Variants in ITPR1 observed in about 807,000 individuals in gnomAD.
ITPR1 encodes inositol 1,4,5-trisphosphate receptor type 1, also known as inositol 1,4,5-trisphosphate-gated calcium channel ITPR1.
ITPR1 carries 96 observed loss-of-function variants against 318.4 expected under a neutral mutation model. The ratio of observed to expected loss-of-function variants is 0.30; its 90% CI spans 0.26 to 0.36. ITPR1 has a LOEUF of 0.36. Ranked by LOEUF, ITPR1 falls within the 10% of genes least tolerant of loss-of-function variation. The pLI is 1.00. For synonymous variants in ITPR1, 1,312 were observed against 1,289.9 expected (o/e 1.02, Z -0.37); for missense variants, 2,440 against 3,460.2 (o/e 0.71, Z 7.40).
chr3:4,811,482 C>T (rs2048936087), intron 56 of ITPR1, 22 bp downstream of exon 56: 1 of 1,540,652 alleles, frequency 6.5e-7, no homozygotes, highest in Admixed American at 1.7e-5. Flanking sequence ...ATCTTCTGAT[C>T]TTTTTAATGC....
At chr3:4,833,713 C>T in intron 60 of ITPR1, among the ~76,000 whole-genome samples, 1 of 152,224 alleles carries the variant, frequency 6.6e-6, no homozygotes, top group South Asian at 2.1e-4. Context: ...ACACTGGAGC[C>T]TCACTGTGCC....
intron 4 of ITPR1, among the ~76,000 whole-genome samples, chr3:4,529,698 A>C (rs1485897497): frequency 6.6e-6 from 1 of 152,204 alleles, no homozygotes; most frequent in Non-Finnish European, 1.5e-5. Context: ...ATGAATTAAA[A>C]ATTTTTTTTG....
intron 42 of ITPR1, among the ~76,000 whole-genome samples, chr3:4,730,821 A>G (rs1197734851): frequency 6.6e-6 from 1 of 152,180 alleles, no homozygotes; most frequent in Admixed American, 6.5e-5. Flanking sequence ...GGTCACAACC[A>G]TACTGCCTTT....
Position 4,779,709 on chromosome 3 carries a change from C to A in ITPR1, c.6387+64C>A. 1 of 1,147,320 alleles carries A rather than the reference C, an allele frequency of 8.7e-7. No homozygotes were observed. The highest frequency in any genetic ancestry group is 1.3e-6 in the Non-Finnish European group (1 of 765,782). 71.1% of individuals were successfully genotyped at this position (1,147,320 alleles called of 1,614,324 possible). On this transcript the variant is annotated intron_variant, in intron 49 of 61. Transcript: ENST00000649015. The surrounding 1 kb of genome is among the most constrained non-coding windows in gnomAD (Gnocchi z 4.0). ...CATTGCGACGATATTTGGGACAGAGCAGAGGATCTGCTTCCTGGAGCTTTC... is the reference window on the plus strand; with the variant it reads ...CATTGCGACGATATTTGGGACAGAGAAGAGGATCTGCTTCCTGGAGCTTTC...
At chr3:4,509,273 T>G (rs1276984661) in intron 2 of ITPR1, among the ~76,000 whole-genome samples, 1 of 152,176 alleles carries the variant, frequency 6.6e-6, no homozygotes, top group African/African-American at 2.4e-5. Flanking sequence ...ATATTCTGAG[T>G]CTGTTTCCAA....
rs2051805187 is a variant in ITPR1, at chr3:4,846,698, G to C, written c.*473G>C. The C allele has an allele frequency of 6.5e-6, 1 of 152,682 alleles. No individual in the cohort carries two copies. Among genetic ancestry groups the C allele is most frequent in the Admixed American group, 6.5e-5 (1 of 15,276 alleles). 9.5% of individuals were successfully genotyped at this position (152,682 alleles called of 1,614,324 possible). ...TGTAATAAATGGTTAACTTTCAAAT[G>C]ATGCTGCTGCCAAAATTATATTAAT... On this transcript the variant is annotated 3_prime_UTR_variant, in exon 62 of 62. Transcript: ENST00000649015.
At chr3:4,653,975 C>A in intron 12 of ITPR1, 89 bp downstream of exon 12, 2 of 921,138 alleles carry the variant, frequency 2.2e-6, no homozygotes, top group Non-Finnish European at 3.4e-6. Flanking sequence ...TCACTGTGGT[C>A]ACGGAGTGCT....
intron 44 of ITPR1, among the ~76,000 whole-genome samples, chr3:4,760,965 G>A (rs894321646): frequency 6.6e-6 from 1 of 152,200 alleles, no homozygotes; most frequent in African/African-American, 2.4e-5. Flanking sequence ...ACAGGTTCCA[G>A]GAACTAGAAC....
chr3:4,799,084 A>T (rs1378151920), intron 53 of ITPR1, among the ~76,000 whole-genome samples: 1 of 152,222 alleles, frequency 6.6e-6, no homozygotes, highest in Non-Finnish European at 1.5e-5. Context: ...AAATGCATGG[A>T]TTTTTTAAAA....
chr3:4,518,380 T>C (rs1017380671), intron 3 of ITPR1, among the ~76,000 whole-genome samples: 1 of 152,256 alleles, frequency 6.6e-6, no homozygotes, highest in African/African-American at 2.4e-5. Flanking sequence ...AACAAATTAA[T>C]GATGAGTCCC....
chr3:4,609,737 A>G, intron 4 of ITPR1, among the ~76,000 whole-genome samples: 1 of 148,498 alleles, frequency 6.7e-6, no homozygotes, highest in East Asian at 2.0e-4. Context: ...GAAATGCTAG[A>G]ATAGAGAGGG....
chr3:4,693,426 A>AT lies in ITPR1; in HGVS notation c.4030-57dup, dbSNP rs1395603803. ...AACCTCTCTCTTCCTCTGTGAATAG[A>AT]TTTTTTTCATGCTGCCCCACCCCTG... On this transcript the variant is annotated intron_variant, in intron 32 of 61. Transcript: ENST00000649015. 50 of 1,563,324 alleles carry AT rather than the reference A, an allele frequency of 3.2e-5. No homozygotes were observed. In the East Asian group the frequency reaches 8.8e-4, roughly 28 times the overall value.
At chr3:4,778,613 T>C (rs1331220574) in intron 48 of ITPR1, among the ~76,000 whole-genome samples, 5 of 152,164 alleles carry the variant, frequency 3.3e-5, no homozygotes, top group Non-Finnish European at 5.9e-5. Flanking sequence ...TGTTTTAGAG[T>C]GAATTTTAAC....
Position 4,681,629 on chromosome 3 carries a change from G to GTGTGTGTGTGTA in ITPR1, c.3161+222_3161+223insATGTGTGTGTGT, listed in dbSNP as rs1559683061. On this transcript the variant is annotated intron_variant, in intron 26 of 61. Transcript: ENST00000649015. Reference sequence around the variant, plus strand: ...TGAGAGAGAGAGAGAGAGAAAGTGTGTGTGTGTGTGTGTGTGTGTGTGTGT... The same window carrying GTGTGTGTGTGTA: ...TGAGAGAGAGAGAGAGAGAAAGTGTGTGTGTGTGTGTATGTGTGTGTGTGTGTGTGTGTGTGT... 1.7e-4 allele frequency among the ~76,000 whole-genome samples: 25 copies of GTGTGTGTGTGTA among 142,898 alleles called. 1 individual carries two copies. Among genetic ancestry groups the GTGTGTGTGTGTA allele is most frequent in the African/African-American group, 6.5e-4 (22 of 33,992 alleles). 93.7% of individuals were successfully genotyped at this position (142,898 alleles called of 152,430 possible).
Position 4,699,821 on chromosome 3 carries a change from C to T in ITPR1, c.4416C>T (p.Asn1472=), listed in dbSNP as rs1272180074. ...NFLVDICRAC[N]NTSDRKHADS... Reference sequence around the variant, plus strand: ...ACCCACTTGTCTTCCAGGCCTGTAACAACACTAGTGACAGGAAACATGCAG... The same window carrying T: ...ACCCACTTGTCTTCCAGGCCTGTAATAACACTAGTGACAGGAAACATGCAG... The change falls in exon 35 of 62, where the codon AAC becomes AAT. Residue 1472 remains asparagine, a synonymous_variant. Coordinates refer to ENST00000649015, the MANE Select transcript of ITPR1 (RefSeq NM_001378452.1). The T allele has an allele frequency of 1.9e-6, 3 of 1,613,808 alleles. No homozygotes were observed. The East Asian group carries it at 6.7e-5, about 36-fold the overall frequency.
chr3:4,746,580 T>C (rs1012785847), intron 44 of ITPR1, among the ~76,000 whole-genome samples: 2 of 152,226 alleles, frequency 1.3e-5, no homozygotes, highest in African/African-American at 4.8e-5. Flanking sequence ...ACTGTAGTAA[T>C]GACCACACTT....
At chr3:4,736,184 C>CACAT (rs1384726240) in intron 44 of ITPR1, among the ~76,000 whole-genome samples, 141 of 151,692 alleles carry the variant, frequency 9.3e-4, no homozygotes, top group African/African-American at 3.2e-3. Flanking sequence ...GACTCGTGTA[C>CACAT]ACATACACAC....
chr3:4,741,356 T>C (rs1478743578), intron 44 of ITPR1, among the ~76,000 whole-genome samples: 1 of 152,216 alleles, frequency 6.6e-6, no homozygotes, highest in African/African-American at 2.4e-5. Context: ...GGGAATTTCA[T>C]GTATCAAATG....
intron 44 of ITPR1, among the ~76,000 whole-genome samples, chr3:4,745,632 C>T (rs189447691): frequency 7.2e-5 from 11 of 152,288 alleles, no homozygotes; most frequent in African/African-American, 9.6e-5. Context: ...CTTTTTCTAC[C>T]GATCCCCTTG....
Sources: allele counts gnomAD v4.1 joint callset (sites outside exome capture counted in the v4.1 genomes callset), GRCh38; gene constraint gnomAD v4.1.1; non-coding constraint Gnocchi (gnomAD v3.1); transcripts MANE v1.5; gene names NCBI Gene and HGNC (gene_info 2026-07-23, HGNC 2026-07-21).